Variants in PDE8B observed in about 807,000 individuals in gnomAD.
PDE8B encodes the protein high affinity cAMP-specific and IBMX-insensitive 3',5'-cyclic phosphodiesterase 8B.
A neutral mutation model predicts 101.3 loss-of-function variants in PDE8B; 26 were observed. The ratio of observed to expected loss-of-function variants is 0.26; its 90% CI spans 0.19 to 0.36. PDE8B has a LOEUF of 0.36. Ranked by LOEUF, PDE8B falls within the 10% of genes least tolerant of loss-of-function variation. The pLI is 1.00. For missense variants in PDE8B, 810 were observed against 1,163.1 expected, an observed-to-expected ratio of 0.70 and a Z score of 4.42; for synonymous variants, 424 against 429.3, an observed-to-expected ratio of 0.99 and a Z score of 0.15.
At chr5:77,403,090 C>T (rs1473492086) in intron 11 of PDE8B, among the ~76,000 whole-genome samples, 1 of 152,198 alleles carries the variant, frequency 6.6e-6, no homozygotes. Context: ...GTTACTCTCA[C>T]AGAAGCAAAT....
intron 2 of PDE8B, 47 bp downstream of exon 2, chr5:77,312,100 T>C (rs759859545): frequency 3.4e-5 from 45 of 1,313,368 alleles, no homozygotes; most frequent in Admixed American, 1.9e-4. Flanking sequence ...TTTTCTTTTT[T>C]TTTTCTTTTT....
chr5:77,329,941 C>T (rs1439763395), intron 4 of PDE8B, among the ~76,000 whole-genome samples: 1 of 152,204 alleles, frequency 6.6e-6, no homozygotes, highest in African/African-American at 2.4e-5. Context: ...CTTACCCTCA[C>T]TGAAGACTCC....
At chr5:77,304,361 C>T (rs189836622) in intron 1 of PDE8B, among the ~76,000 whole-genome samples, 11 of 152,192 alleles carry the variant, frequency 7.2e-5, no homozygotes, top group Admixed American at 3.3e-4. Flanking sequence ...ATCATTTCCC[C>T]GGCTTTGTTT....
chr5:77,128,633 C>T, the PDE8B span, among the ~76,000 whole-genome samples: 1 of 152,182 alleles, frequency 6.6e-6, no homozygotes, highest in African/African-American at 2.4e-5. Context: ...GGGTAAGTGG[C>T]CAGGCCAAAA....
intron 12 of PDE8B, 33 bp downstream of exon 12, chr5:77,404,830 T>G (rs1389770849): frequency 7.4e-7 from 1 of 1,348,556 alleles, no homozygotes; most frequent in East Asian, 2.3e-5. Context: ...CTGACCTTTT[T>G]AAAATGTAGA....
chr5:77,342,952 T>A (rs1051414220), intron 6 of PDE8B, among the ~76,000 whole-genome samples: 1 of 152,226 alleles, frequency 6.6e-6, no homozygotes, highest in African/African-American at 2.4e-5. Context: ...CACATCCAAT[T>A]TGGGCCCAGT....
At chr5:77,364,669 ATTAT>A (rs1477371938) in intron 10 of PDE8B, among the ~76,000 whole-genome samples, 1 of 152,052 alleles carries the variant, frequency 6.6e-6, no homozygotes, top group Admixed American at 6.5e-5. Context: ...ACTTTTCCTC[ATTAT>A]TTGTTAGTCA....
At chr5:77,353,827 C>T (rs1317287035) in intron 10 of PDE8B, among the ~76,000 whole-genome samples, 2 of 152,136 alleles carry the variant, frequency 1.3e-5, no homozygotes, top group Non-Finnish European at 2.9e-5. Flanking sequence ...TTACATCATA[C>T]AGAAGAATAC....
chr5:77,407,394 G>T lies in PDE8B; in HGVS notation c.1302G>T (p.Gln434His). Residue 434 changes from glutamine (Q) to histidine (H), a missense_variant, in exon 13 of 22, where the codon CAG becomes CAT. Gln to His is a conservative substitution (Grantham distance 24, BLOSUM62 0). Coordinates refer to ENST00000264917, the MANE Select transcript of PDE8B (RefSeq NM_003719.5). ...CCTTCTCTCCAGCACCAAGCCTGCA[G>T]AATCGTCGCTATCCGTCCATGGCGA... ...SSRGSDAPSL[Q>H]NRRYPSMARI... is the part of the protein sequence containing the mutation. 6.2e-7 allele frequency: 1 copy of T among 1,614,104 alleles called. No individual in the cohort carries two copies. Among genetic ancestry groups the T allele is most frequent in the Non-Finnish European group, 8.5e-7 (1 of 1,179,964 alleles).
At chr5:77,127,603 C>T in the PDE8B span, among the ~76,000 whole-genome samples, 1 of 152,056 alleles carries the variant, frequency 6.6e-6, no homozygotes, top group Non-Finnish European at 1.5e-5. Flanking sequence ...TACATTTCCC[C>T]ACCTGCTTGA....
At chr5:77,095,462 C>A in the PDE8B span, among the ~76,000 whole-genome samples, 2 of 152,214 alleles carry the variant, frequency 1.3e-5, no homozygotes, top group Non-Finnish European at 2.9e-5. Context: ...TTCTGCTCTT[C>A]TGCACAGCTG....
the PDE8B span, among the ~76,000 whole-genome samples, chr5:77,129,008 C>T: frequency 3.3e-5 from 5 of 152,232 alleles, no homozygotes; most frequent in South Asian, 4.1e-4. Flanking sequence ...ATTCATCAAC[C>T]TAGGTTTGAA....
chr5:77,209,862 C>T (rs1032731418), upstream of PDE8B, among the ~76,000 whole-genome samples: 4 of 152,204 alleles, frequency 2.6e-5, no homozygotes, highest in African/African-American at 9.6e-5. Flanking sequence ...CTTAGGGGAA[C>T]GTATGTGTTC....
At chr5:77,342,437 CT>C (rs1779371151) in intron 6 of PDE8B, among the ~76,000 whole-genome samples, 1 of 152,100 alleles carries the variant, frequency 6.6e-6, no homozygotes, top group Non-Finnish European at 1.5e-5. Context: ...TTTCTGCCTT[CT>C]TCCCTCTAAA....
At chr5:77,097,728 T>TACATAC in the PDE8B span, among the ~76,000 whole-genome samples, 3 of 63,198 alleles carry the variant, frequency 4.7e-5, no homozygotes, top group Non-Finnish European at 1.2e-4. Flanking sequence ...TATATATATA[T>TACATAC]ATATACATAC....
chr5:77,147,213 C>A, the PDE8B span: 5 of 302,816 alleles, frequency 1.7e-5, no homozygotes, highest in South Asian at 1.8e-4. Context: ...GCATTTAAAC[C>A]CCCTGTTTAC....
At position 77,380,039 on chromosome 5, in the gene PDE8B, G is replaced by A. The variant is rs540571914; in HGVS notation, c.1168-20209G>A. ...TCTTAAAAGTGCTTAATAAGTCAAC[G>A]TTTAAAGCTACAGTGATTATTTAAG... On this transcript the variant is annotated intron_variant, in intron 10 of 21. Transcript: ENST00000264917. Among the ~76,000 whole-genome samples, 19 of 152,262 alleles carry A rather than the reference G, an allele frequency of 1.2e-4. No homozygotes were observed. In the South Asian group the frequency reaches 3.7e-3, roughly 30 times the overall value.
At chr5:77,172,990 C>A in the PDE8B span, among the ~76,000 whole-genome samples, 1 of 152,186 alleles carries the variant, frequency 6.6e-6, no homozygotes, top group Non-Finnish European at 1.5e-5. Context: ...CATAACCCAG[C>A]CAATAAACAC....
intron 18 of PDE8B, 44 bp from the exon 19 acceptor site, chr5:77,419,723 G>A: frequency 6.2e-7 from 1 of 1,610,932 alleles, no homozygotes; most frequent in Non-Finnish European, 8.5e-7. Context: ...GTTATAATTT[G>A]AGACACGCTG....
Sources: allele counts gnomAD v4.1 joint callset (sites outside exome capture counted in the v4.1 genomes callset), GRCh38; gene constraint gnomAD v4.1.1; transcripts MANE v1.5; gene names NCBI Gene and HGNC (gene_info 2026-07-23, HGNC 2026-07-21).